PC: variants seen among roughly 807,000 people sequenced by gnomAD.
The protein encoded by PC is pyruvate carboxylase, mitochondrial.
Under a neutral mutation model 107.8 loss-of-function variants are expected in PC, and 46 were observed. The observed-to-expected ratio is 0.43, with a 90% CI of 0.34 to 0.55. The LOEUF (loss-of-function observed/expected upper bound fraction) is 0.55. Among genes scored for constraint, PC ranks in the 20% least tolerant of loss-of-function variants. The probability of loss-of-function intolerance (pLI) is 0.04; values close to 1 mark genes in which losing one functional copy is unlikely to be tolerated. For missense variants in PC, 1,241 were observed against 1,643.1 expected, an observed-to-expected ratio of 0.76 and a Z score of 4.23; for synonymous variants, 662 against 684.7, an observed-to-expected ratio of 0.97 and a Z score of 0.52.
intron 3 of PC, chr11:66,919,773 C>T (rs762638482): frequency 2.6e-5 from 4 of 152,170 alleles, no homozygotes; most frequent in Admixed American, 6.5e-5. Context: ...AGTGTTACAG[C>T]ACTTTTAGAA....
chr11:66,906,243 T>C (rs532018270), intron 3 of PC, among the ~76,000 whole-genome samples: 99 of 152,172 alleles, frequency 6.5e-4, no homozygotes, highest in Non-Finnish European at 1.3e-3. Flanking sequence ...AACGAGCCTT[T>C]ACAACATGCC....
At position 66,866,240 on chromosome 11, in the gene PC, C is replaced by A; in HGVS notation, c.1132G>T (p.Val378Phe). 1.9e-6 allele frequency: 3 copies of A among 1,612,652 alleles called. No homozygotes were observed. The highest frequency in any genetic ancestry group is 2.5e-6 in the Non-Finnish European group (3 of 1,179,812). The part of the protein sequence containing the change: ...RINGCAIQCR[V>F]TTEDPARSFQ... ...CTGCGCGCGGGGTCCTCGGTGGTGA[C>A]CCGGCACTGGATGGCACACCCGTTG... The change falls in exon 11 of 23, where the codon GTC becomes TTC. Residue 378 changes from valine (V) to phenylalanine (F), a missense_variant. Val to Phe is a conservative substitution (Grantham distance 50). This residue lies in a region of PC where 1,143 missense variants were observed against 1,551.9 expected (regional missense o/e 0.74). Transcript: ENST00000393960. The surrounding 1 kb of genome is among the most constrained non-coding windows in gnomAD (Gnocchi z 5.4).
chr11:66,926,684 A>G (rs1948721504), intron 3 of PC, among the ~76,000 whole-genome samples: 1 of 152,238 alleles, frequency 6.6e-6, no homozygotes, highest in Non-Finnish European at 1.5e-5. Context: ...CATCACTCCA[A>G]AAAGAAACCT....
At chr11:66,926,770 T>C (rs1948725637) in intron 3 of PC, among the ~76,000 whole-genome samples, 1 of 141,612 alleles carries the variant, frequency 7.1e-6, no homozygotes, top group South Asian at 2.6e-4. Flanking sequence ...TCCATCTCTA[T>C]GGCCTATTCT....
intron 3 of PC, among the ~76,000 whole-genome samples, chr11:66,939,175 T>C (rs1297896643): frequency 6.6e-6 from 1 of 151,596 alleles, no homozygotes; most frequent in East Asian, 1.9e-4. Context: ...AAAAGCAAAA[T>C]AAAAAATGAC....
At chr11:66,909,442 G>A (rs1247373694) in intron 3 of PC, among the ~76,000 whole-genome samples, 6 of 152,124 alleles carry the variant, frequency 3.9e-5, no homozygotes, top group East Asian at 1.9e-4. Context: ...TGTCCCTGCC[G>A]CTCCCCCCCG....
intron 3 of PC, among the ~76,000 whole-genome samples, chr11:66,902,142 A>T (rs1241192703): frequency 6.6e-6 from 1 of 152,160 alleles, no homozygotes; most frequent in African/African-American, 2.4e-5. Context: ...CAGGCAGGAC[A>T]TGGCCTTGAC....
intron 3 of PC, among the ~76,000 whole-genome samples, chr11:66,886,056 CTGAG>C (rs1481847253): frequency 1.3e-5 from 2 of 152,124 alleles, no homozygotes; most frequent in Non-Finnish European, 2.9e-5. Flanking sequence ...CTGGGGCAGG[CTGAG>C]TGAGAGGCAG....
In PC at chr11:66,858,565, G is replaced by T. The variant is rs1400486994; in HGVS notation, c.1369-5182C>A. 29 of 1,533,032 alleles carry T rather than the reference G, an allele frequency of 1.9e-5. No individual in the cohort carries two copies. 95.0% of individuals were successfully genotyped at this position (1,533,032 alleles called of 1,614,324 possible). A position where few individuals can be genotyped will look rare whatever the true frequency, so the allele number is the denominator to read the frequency against. On this transcript the variant is annotated intron_variant, in intron 12 of 22. Coordinates refer to ENST00000393960, the MANE Select transcript of PC (RefSeq NM_001040716.2). This position sits in a 1 kb window ranked among gnomAD's most constrained non-coding sequence, Gnocchi z 5.9. ...CGCTACTTCTGGGCAGTGCCCGAGGGCGAGTTCTCCTGTGAGCCGCCCCTC... is the reference window on the plus strand; with the variant it reads ...CGCTACTTCTGGGCAGTGCCCGAGGTCGAGTTCTCCTGTGAGCCGCCCCTC...
In PC at chr11:66,851,664, C is replaced by T. The variant is rs535190462; in HGVS notation, c.1982+126G>A. The T allele has an allele frequency of 3.0e-6, 3 of 1,007,638 alleles. No homozygotes were observed. In the East Asian group the frequency reaches 7.6e-5, roughly 26 times the overall value. 62.4% of individuals were successfully genotyped at this position (1,007,638 alleles called of 1,614,324 possible). ...TCTCGATATTTCCAAACAGCAGCCC[C>T]TGCTGCGTGTGGCCACAGAGAGACT... is the stretch of plus-strand genomic sequence containing the variant. On this transcript the variant is annotated intron_variant, in intron 16 of 22. Transcript: ENST00000393960.
At chr11:66,927,277 C>A (rs1025151088) in intron 3 of PC, among the ~76,000 whole-genome samples, 7 of 146,830 alleles carry the variant, frequency 4.8e-5, no homozygotes, top group African/African-American at 1.8e-4. Context: ...TAGTCAAGGA[C>A]TTGAACTCAG....
Position 66,848,973 on chromosome 11 carries a change from C to T in PC, c.3463G>A (p.Gly1155Ser), listed in dbSNP as rs1166666834. The change falls in exon 23 of 23, where the codon GGT becomes AGT. Residue 1155 changes from glycine to serine, a missense_variant. By Grantham distance (56) the Gly-to-Ser change is moderately conservative. This residue lies in a region of PC where 98 missense variants were observed against 91.2 expected (regional missense o/e 1.07). Coordinates refer to ENST00000393960, the MANE Select transcript of PC (RefSeq NM_001040716.2). ...GTCACATGAACCTTGCGGACAGTAC[C>T]CTCCATGGGTGAGGTCACCACAGTC... ...METVVTSPME[G>S]TVRKVHVTKD... 6.2e-6 allele frequency: 10 copies of T among 1,613,978 alleles called. No homozygotes were observed. The highest frequency in any genetic ancestry group is 8.5e-6 in the Non-Finnish European group (10 of 1,180,046).
At chr11:66,888,623 CAA>C (rs950108035) in intron 3 of PC, among the ~76,000 whole-genome samples, 2 of 152,170 alleles carry the variant, frequency 1.3e-5, no homozygotes, top group Non-Finnish European at 2.9e-5. Flanking sequence ...AATAAACAAA[CAA>C]AAAGGCAGAT....
chr11:66,849,381 G>A lies in PC; in HGVS notation c.3148-11C>T. ...CCGCTCCAGCTCCACCTGCAGGGAGGGTGTGCAGACTCAGAGCTGGACGCC... is the reference window on the plus strand; with the variant it reads ...CCGCTCCAGCTCCACCTGCAGGGAGAGTGTGCAGACTCAGAGCTGGACGCC... On this transcript the variant is annotated splice_polypyrimidine_tract_variant and intron_variant, in intron 21 of 22. Transcript: ENST00000393960. 6.2e-7 allele frequency: 1 copy of A among 1,612,096 alleles called. No individual in the cohort carries two copies. The highest frequency in any genetic ancestry group is 8.5e-7 in the Non-Finnish European group (1 of 1,180,016).
chr11:66,871,169 G>C lies in PC; in HGVS notation c.516C>G (p.Ala172=). 6.2e-7 allele frequency: 1 copy of C among 1,613,734 alleles called. No homozygotes were observed. The highest frequency in any genetic ancestry group is 1.1e-5 in the South Asian group (1 of 91,034). Residue 172 remains alanine (A), a synonymous_variant, in exon 7 of 23, where the codon GCC becomes GCG. Coordinates refer to ENST00000393960, the MANE Select transcript of PC (RefSeq NM_001040716.2). This position sits in a 1 kb window ranked among gnomAD's most constrained non-coding sequence, Gnocchi z 7.4. ...GGGCCTCATGCAGGGACGTGATGGG[G>C]GCATCTGTGCCAGGGACAACGGGAA... is the stretch of plus-strand genomic sequence containing the variant. ...AGVPVVPGTD[A]PITSLHEAHE...
intron 11 of PC, among the ~76,000 whole-genome samples, chr11:66,865,580 G>C (rs540685129): frequency 6.6e-6 from 1 of 152,312 alleles, no homozygotes; most frequent in East Asian, 1.9e-4. Flanking sequence ...GAGAAGGCGC[G>C]AGTCTTGCTG....
chr11:66,906,929 A>G (rs1948185060), intron 3 of PC, among the ~76,000 whole-genome samples: 2 of 152,218 alleles, frequency 1.3e-5, no homozygotes, highest in Non-Finnish European at 2.9e-5. Flanking sequence ...GAGGTCTCAC[A>G]TGTTGAACAG....
chr11:66,924,924 A>C (rs928410283), intron 3 of PC, among the ~76,000 whole-genome samples: 3 of 152,196 alleles, frequency 2.0e-5, no homozygotes, highest in African/African-American at 7.2e-5. Flanking sequence ...GACAGAGTAC[A>C]AAAGAGAGAA....
intron 11 of PC, among the ~76,000 whole-genome samples, chr11:66,864,829 C>G (rs191966300): frequency 1.3e-5 from 2 of 152,140 alleles, no homozygotes; most frequent in Admixed American, 6.5e-5. Flanking sequence ...AAGGGCTCCC[C>G]GGAGGTGGGG....
Sources: allele counts gnomAD v4.1 joint callset (sites outside exome capture counted in the v4.1 genomes callset), GRCh38; gene constraint gnomAD v4.1.1; regional missense constraint gnomAD v4.1.1; non-coding constraint Gnocchi (gnomAD v3.1); transcripts MANE v1.5; gene names NCBI Gene and HGNC (gene_info 2026-07-23, HGNC 2026-07-21).